Variants in KALRN observed in about 807,000 individuals in gnomAD.
KALRN encodes kalirin RhoGEF kinase, also known as kalirin.
In KALRN, 70 loss-of-function variants were observed where a neutral mutation model predicts 353.7. That is an observed-to-expected ratio of 0.20 (90% CI 0.16 to 0.24). The LOEUF (loss-of-function observed/expected upper bound fraction) is 0.24, where lower values mean the gene tolerates loss of function less well. Among genes scored for constraint, KALRN ranks in the 10% least tolerant of loss-of-function variants. KALRN has a pLI of 1.00. For synonymous variants in KALRN, 1,391 were observed against 1,434.8 expected, an observed-to-expected ratio of 0.97 and a Z score of 0.69; for missense variants, 2,791 against 3,756.7, an observed-to-expected ratio of 0.74 and a Z score of 6.72.
intron 1 of KALRN, among the ~76,000 whole-genome samples, chr3:124,126,998 A>G (rs2064758498): frequency 6.6e-6 from 1 of 152,218 alleles, no homozygotes; most frequent in Admixed American, 6.5e-5. Context: ...ATCTGGCTCA[A>G]CTACAATATG....
intron 5 of KALRN, among the ~76,000 whole-genome samples, chr3:124,276,576 G>A (rs1443447608): frequency 1.3e-5 from 2 of 152,198 alleles, no homozygotes; most frequent in African/African-American, 2.4e-5. Context: ...TTCCCCATGA[G>A]GCAGCAGTAA....
intron 34 of KALRN, among the ~76,000 whole-genome samples, chr3:124,612,863 C>A (rs2078160326): frequency 6.6e-6 from 1 of 151,398 alleles, no homozygotes; most frequent in Non-Finnish European, 1.5e-5. Flanking sequence ...AAAGTAGTAT[C>A]TTCAAATATA....
chr3:124,704,050 G>A (rs1438179022), intron 57 of KALRN, among the ~76,000 whole-genome samples: 1 of 152,156 alleles, frequency 6.6e-6, no homozygotes, highest in Non-Finnish European at 1.5e-5. Flanking sequence ...ACTAGGAGGT[G>A]TGGAGCCAGG....
At chr3:124,610,648 A>G (rs967511613) in intron 34 of KALRN, among the ~76,000 whole-genome samples, 1 of 150,828 alleles carries the variant, frequency 6.6e-6, no homozygotes, top group African/African-American at 2.5e-5. Context: ...GGGGGCGGCT[A>G]TCCCTCCAGG....
rs1318351850 is a variant in KALRN at position 124,633,961 on chromosome 3, T to A, written c.5568+8T>A. On this transcript the variant is annotated splice_region_variant and intron_variant, in intron 36 of 59. Coordinates refer to ENST00000682506, the MANE Select transcript of KALRN (RefSeq NM_001388419.1). Reference sequence around the variant, plus strand: ...CCTACACAGGATGAAATGGTAGAACTTCTTTACTTGCTCACTTAAAAGAGC... The same window carrying A: ...CCTACACAGGATGAAATGGTAGAACATCTTTACTTGCTCACTTAAAAGAGC... 3 of 1,609,270 alleles carry A rather than the reference T, an allele frequency of 1.9e-6. No homozygotes were observed. In the South Asian group the frequency reaches 3.3e-5, roughly 18 times the overall value.
chr3:124,296,029 C>T (rs1052734214), intron 5 of KALRN, among the ~76,000 whole-genome samples: 2 of 152,138 alleles, frequency 1.3e-5, no homozygotes, highest in Non-Finnish European at 2.9e-5. Flanking sequence ...AAAGAATGGT[C>T]CTTTCGTCCT....
At chr3:124,562,709 C>G (rs1055760891) in intron 33 of KALRN, 134 bp from the exon 34 acceptor site, 47 of 794,890 alleles carry the variant, frequency 5.9e-5, no homozygotes, top group Non-Finnish European at 8.0e-5. Context: ...CATTTTTCCT[C>G]TTTATTCCCC....
intron 18 of KALRN, among the ~76,000 whole-genome samples, chr3:124,439,836 C>T (rs913384914): frequency 7.9e-5 from 12 of 152,184 alleles, no homozygotes; most frequent in African/African-American, 2.7e-4. Flanking sequence ...CTCCTCTGAT[C>T]GCCTCTCTTC....
chr3:124,095,822 G>C (rs1185141622), intron 1 of KALRN: 1 of 152,062 alleles, frequency 6.6e-6, no homozygotes, highest in East Asian at 1.9e-4. Context: ...GCAAGAATGA[G>C]ATCAAACTCC....
chr3:124,652,210 C>A (rs2083494036), intron 38 of KALRN, among the ~76,000 whole-genome samples: 1 of 152,202 alleles, frequency 6.6e-6, no homozygotes, highest in Admixed American at 6.5e-5. Context: ...TTATGAGTTT[C>A]TGTTTCCTAG....
intron 1 of KALRN, among the ~76,000 whole-genome samples, chr3:124,052,162 T>A (rs1373571086): frequency 6.6e-6 from 1 of 152,206 alleles, no homozygotes; most frequent in Non-Finnish European, 1.5e-5. Context: ...TGGTCAGTCC[T>A]CCTGATGCCA....
intron 33 of KALRN, among the ~76,000 whole-genome samples, chr3:124,513,380 G>A (rs1179069236): frequency 1.3e-5 from 2 of 152,170 alleles, no homozygotes; most frequent in Admixed American, 6.5e-5. Context: ...TGTGATTCCA[G>A]AGGGAGGGGT....
intron 1 of KALRN, among the ~76,000 whole-genome samples, chr3:124,197,623 T>C (rs573618292): frequency 1.3e-5 from 2 of 152,258 alleles, no homozygotes; most frequent in Admixed American, 6.5e-5. Flanking sequence ...GTGGACATCT[T>C]GTAAAGATAG....
At chr3:124,479,139 G>T (rs1487358702) in intron 27 of KALRN, among the ~76,000 whole-genome samples, 2 of 152,204 alleles carry the variant, frequency 1.3e-5, no homozygotes, top group African/African-American at 4.8e-5. Flanking sequence ...TCACATCTCA[G>T]TGCCTGGCAC....
chr3:124,212,935 C>T (rs183307185), intron 1 of KALRN, among the ~76,000 whole-genome samples: 9 of 151,998 alleles, frequency 5.9e-5, no homozygotes, highest in East Asian at 1.9e-4. Context: ...ATATTCTTTG[C>T]GCATTTTTCA....
intron 25 of KALRN, among the ~76,000 whole-genome samples, chr3:124,472,518 C>T (rs190129960): frequency 2.5e-3 from 381 of 151,590 alleles, no homozygotes; most frequent in Admixed American, 5.3e-3. Flanking sequence ...GGCAAGACCT[C>T]GTCTCTATTA....
intron 37 of KALRN, among the ~76,000 whole-genome samples, chr3:124,648,037 T>G (rs694671): frequency 0.24 from 35,824 of 152,176 alleles, 4,550 homozygotes; most frequent in East Asian, 0.47. Flanking sequence ...AGGTGGGGCA[T>G]AAGTCCTCAC....
intron 11 of KALRN, among the ~76,000 whole-genome samples, chr3:124,390,650 G>T (rs4325867): frequency 0.99 from 150,123 of 152,324 alleles, 74,006 homozygotes; most frequent in East Asian, 1. Flanking sequence ...AGGTTCACCA[G>T]GTGGATATGG....
chr3:124,298,871 T>C lies in KALRN; in HGVS notation c.1050T>C (p.Leu350=), dbSNP rs1423946406. The C allele has an allele frequency of 6.2e-7, 1 of 1,614,028 alleles. No individual in the cohort carries two copies. The highest frequency in any genetic ancestry group is 8.5e-7 in the Non-Finnish European group (1 of 1,180,022). The change falls in exon 6 of 60, where the codon CTT becomes CTC. Residue 350 remains leucine (L), a synonymous_variant. Transcript: ENST00000682506. The stretch of plus-strand genomic sequence containing the variant: ...TCGGAGTCAGCTACCAGTACGCCCT[T>C]GACCTCCAGACGCAGCACAATCACT... ...TEIGVSYQYA[L]DLQTQHNHFA... is the part of the protein sequence containing the mutation.
Sources: allele counts gnomAD v4.1 joint callset (sites outside exome capture counted in the v4.1 genomes callset), GRCh38; gene constraint gnomAD v4.1.1; transcripts MANE v1.5; gene names NCBI Gene and HGNC (gene_info 2026-07-23, HGNC 2026-07-21).